SEC24B: variants seen among roughly 807,000 people sequenced by gnomAD.
SEC24B encodes the protein protein transport protein Sec24B.
Under a neutral mutation model 142.8 loss-of-function variants are expected in SEC24B, and 45 were observed. The observed-to-expected ratio is 0.32, with a 90% CI of 0.25 to 0.40. The LOEUF (loss-of-function observed/expected upper bound fraction) is 0.40, where lower values mean the gene tolerates loss of function less well. Ranked by LOEUF, SEC24B falls within the 10% of genes least tolerant of loss-of-function variation. The probability of loss-of-function intolerance (pLI) is 1.00; values close to 1 mark genes in which losing one functional copy is unlikely to be tolerated. For synonymous variants in SEC24B, 574 were observed against 568.2 expected, an observed-to-expected ratio of 1.01 and a Z score of -0.15; for missense variants, 1,409 against 1,526.8, an observed-to-expected ratio of 0.92 and a Z score of 1.29.
intron 1 of SEC24B, among the ~76,000 whole-genome samples, chr4:109,448,155 C>T (rs1380432940): frequency 6.6e-6 from 1 of 152,178 alleles, no homozygotes; most frequent in Non-Finnish European, 1.5e-5. Context: ...CATGTGCAAC[C>T]TTAATTCCCC....
Position 109,506,377 on chromosome 4 carries a change from T to C in SEC24B, c.1538T>C (p.Leu513Pro), listed in dbSNP as rs769883442. The change falls in exon 7 of 24, where the codon CTT (leucine) becomes CCT (proline). Residue 513 changes from leucine (L) to proline (P), a missense_variant. Around this residue, in one of 2 missense-constraint regions of SEC24B, gnomAD observed 709 missense variants for 673.5 expected, o/e 1.05. Coordinates refer to ENST00000265175, the MANE Select transcript of SEC24B (RefSeq NM_006323.5). ...TCCTCCAGTATAGGAGGATTGAGTC[T>C]TCAGAGTTCTCCACAACCAGAAAGC... ...QLSSSIGGLS[L>P]QSSPQPESLR... 3.7e-6 allele frequency: 6 copies of C among 1,609,858 alleles called. No homozygotes were observed. In the East Asian group the frequency reaches 9.0e-5, roughly 24 times the overall value.
chr4:109,508,791 A>G (rs1202354753), intron 7 of SEC24B, among the ~76,000 whole-genome samples: 11 of 152,176 alleles, frequency 7.2e-5, no homozygotes, highest in Non-Finnish European at 2.9e-5. Flanking sequence ...AGTTTTGTCA[A>G]CTGTAAAACA....
At chr4:109,475,577 AGATT>A (rs1561105840) in intron 3 of SEC24B, among the ~76,000 whole-genome samples, 3 of 152,042 alleles carry the variant, frequency 2.0e-5, no homozygotes, top group Admixed American at 2.0e-4. Flanking sequence ...AACATTTTTT[AGATT>A]GATATCTAAA....
intron 1 of SEC24B, among the ~76,000 whole-genome samples, chr4:109,459,015 A>G (rs1730990236): frequency 6.6e-6 from 1 of 152,214 alleles, no homozygotes; most frequent in Non-Finnish European, 1.5e-5. Context: ...TTTGAATCCC[A>G]AGAAAGATCA....
chr4:109,495,599 G>A (rs780507911), intron 6 of SEC24B, among the ~76,000 whole-genome samples: 11 of 152,174 alleles, frequency 7.2e-5, no homozygotes, highest in South Asian at 4.1e-4. Context: ...CCTAGGGCTC[G>A]CAGATCGGTT....
intron 4 of SEC24B, among the ~76,000 whole-genome samples, chr4:109,482,971 T>TACACACACACACAC (rs1167329769): frequency 1.7e-5 from 1 of 59,320 alleles, no homozygotes; most frequent in African/African-American, 1.0e-4. Context: ...TATATATATA[T>TACACACACACACAC]ATATATATAC....
chr4:109,452,607 G>A (rs968369866), intron 1 of SEC24B, among the ~76,000 whole-genome samples: 2 of 152,190 alleles, frequency 1.3e-5, no homozygotes, highest in African/African-American at 4.8e-5. Context: ...TTTTGATAGT[G>A]TCTTGTTGTA....
intron 8 of SEC24B, among the ~76,000 whole-genome samples, chr4:109,510,464 G>A (rs188154539): frequency 1.3e-5 from 2 of 152,270 alleles, no homozygotes; most frequent in South Asian, 2.1e-4. Flanking sequence ...GTGATTCCCT[G>A]TGGATACAAT....
At chr4:109,527,294 A>G in intron 17 of SEC24B, 28 bp from the exon 18 acceptor site, 1 of 1,387,122 alleles carries the variant, frequency 7.2e-7, no homozygotes, top group Non-Finnish European at 1.0e-6. Flanking sequence ...TTTTTGATCT[A>G]ATGTATTTTC....
At chr4:109,518,093 A>G (rs1578964243) in intron 11 of SEC24B, among the ~76,000 whole-genome samples, 1 of 151,960 alleles carries the variant, frequency 6.6e-6, no homozygotes, top group Admixed American at 6.6e-5. Flanking sequence ...TCAGCCTCCC[A>G]AATAGCTGGG....
In SEC24B at chr4:109,482,386, C is replaced by T. The variant is rs571482321; in HGVS notation, c.1165+605C>T. On this transcript the variant is annotated intron_variant, in intron 4 of 23. Transcript: ENST00000265175. ...CTTTTTCTGCCTTTGATAGGTAGAA[C>T]ACTGCTAAAAAATTAAGCAGTTCAG... is the stretch of plus-strand genomic sequence containing the variant. 6.6e-5 allele frequency among the ~76,000 whole-genome samples: 10 copies of T among 152,232 alleles called. No individual in the cohort carries two copies. In the East Asian group the frequency reaches 1.9e-3, roughly 29 times the overall value.
At position 109,433,887 on chromosome 4, in the gene SEC24B, G is replaced by A; in HGVS notation, c.18G>A (p.Gly6=). Residue 6 remains glycine, a synonymous_variant, in exon 1 of 24, where the codon GGG becomes GGA. Coordinates refer to ENST00000265175, the MANE Select transcript of SEC24B (RefSeq NM_006323.5). ...GCGCCGTCATGTCGGCCCCCGCCGG[G>A]TCCTCTCACCCGGCCGCCAGCGCCC... MSAPA[G]SSHPAASARI... is the part of the protein sequence containing the mutation. 2 of 1,344,284 alleles carry A rather than the reference G, an allele frequency of 1.5e-6. No homozygotes were observed. The highest frequency in any genetic ancestry group is 1.9e-6 in the Non-Finnish European group (2 of 1,043,882). 83.3% of individuals were successfully genotyped at this position (1,344,284 alleles called of 1,614,324 possible).
At chr4:109,484,159 T>A (rs1578864897) in intron 4 of SEC24B, among the ~76,000 whole-genome samples, 1 of 152,216 alleles carries the variant, frequency 6.6e-6, no homozygotes, top group East Asian at 1.9e-4. Flanking sequence ...AATTTAGTTG[T>A]CATGTTAGAC....
chr4:109,491,378 A>C lies in SEC24B; in HGVS notation c.1217A>C (p.Tyr406Ser). Reference protein sequence around the residue: ...TSSASPMPNSYDALEGGSYPD... With the variant: ...TSSASPMPNSSDALEGGSYPD... Reference sequence around the variant, plus strand: ...AGTGCTTCTCCAATGCCCAACAGTTATGATGCCCTGGAAGGAGGCAGTTAC... The same window carrying C: ...AGTGCTTCTCCAATGCCCAACAGTTCTGATGCCCTGGAAGGAGGCAGTTAC... Residue 406 changes from tyrosine to serine, a missense_variant, in exon 5 of 24, where the codon TAT (tyrosine) becomes TCT (serine). Tyr to Ser is a moderately radical substitution (Grantham distance 144, BLOSUM62 -2). Transcript: ENST00000265175. 1.2e-6 allele frequency: 2 copies of C among 1,613,718 alleles called. No homozygotes were observed. The highest frequency in any genetic ancestry group is 1.7e-6 in the Non-Finnish European group (2 of 1,179,680).
chr4:109,527,477 T>C, intron 18 of SEC24B, 45 bp downstream of exon 18: 3 of 1,422,296 alleles, frequency 2.1e-6, no homozygotes, highest in Non-Finnish European at 3.0e-6. Flanking sequence ...TTTTCTATCT[T>C]AAAAACTGAA....
At chr4:109,533,415 C>G (rs928834178) in intron 21 of SEC24B, among the ~76,000 whole-genome samples, 178 bp from the exon 22 acceptor site, 1 of 152,128 alleles carries the variant, frequency 6.6e-6, no homozygotes, top group Non-Finnish European at 1.5e-5. Flanking sequence ...AACATTTAAT[C>G]AAAGACGATG....
chr4:109,473,729 A>C (rs1732774869), intron 3 of SEC24B, among the ~76,000 whole-genome samples: 1 of 152,242 alleles, frequency 6.6e-6, no homozygotes. Flanking sequence ...AAAAGGTAAT[A>C]AAATGTGTTG....
Position 109,527,218 on chromosome 4 carries a change from CAAAA to C in SEC24B, c.2966-93_2966-90del, listed in dbSNP as rs71594190. On this transcript the variant is annotated intron_variant, in intron 17 of 23. Coordinates refer to ENST00000265175, the MANE Select transcript of SEC24B (RefSeq NM_006323.5). ...TAAGAGACAGAGCAAGACTCCGTCT[CAAAA>C]AAAAAAAAAAGAAAGAAAGAAAGAA... The C allele has an allele frequency of 8.1e-5, 53 of 650,556 alleles. 1 individual carries two copies. The highest frequency in any genetic ancestry group is 1.3e-4 in the East Asian group (4 of 30,908). The allele number at this position is 650,556 out of a possible 1,614,324, so 40.3% of individuals were successfully genotyped here.
At chr4:109,454,045 A>G (rs1730413990) in intron 1 of SEC24B, among the ~76,000 whole-genome samples, 1 of 152,050 alleles carries the variant, frequency 6.6e-6, no homozygotes, top group Non-Finnish European at 1.5e-5. Context: ...TTTAGTAGAG[A>G]CAGGGTTTCT....
Sources: gnomAD v4.1 joint callset for allele counts (sites outside exome capture counted in the v4.1 genomes callset) on GRCh38, gnomAD v4.1.1 for gene constraint, gnomAD v4.1.1 regional missense constraint, MANE v1.5 for transcripts, NCBI Gene and HGNC (gene_info 2026-07-23, HGNC 2026-07-21) for gene names.